Variants in YTHDF3 observed in about 807,000 individuals in gnomAD.
YTHDF3 encodes the protein YTH N6-methyladenosine RNA binding protein F3, also known as YTH domain-containing family protein 3.
Under a neutral mutation model 52.5 loss-of-function variants are expected in YTHDF3, and 9 were observed. The ratio of observed to expected loss-of-function variants is 0.17; its 90% confidence interval spans 0.10 to 0.30. The LOEUF is 0.30. YTHDF3 is among the 10% of genes least tolerant of loss of function. YTHDF3 has a pLI of 1.00. For synonymous variants in YTHDF3, 274 were observed against 243.3 expected (o/e 1.13, Z -1.18); for missense variants, 534 against 715.0 (o/e 0.75, Z 2.89).
intron 4 of YTHDF3, among the ~76,000 whole-genome samples, chr8:63,203,381 TAC>T (rs756098968): frequency 5.3e-5 from 8 of 152,122 alleles, no homozygotes; most frequent in African/African-American, 1.4e-4. Flanking sequence ...AGAATATATA[TAC>T]ACACACACAT....
In YTHDF3 at chr8:63,203,261, A is replaced by T. The variant is rs144198780; in HGVS notation, c.1735-6422A>T. Among the ~76,000 whole-genome samples the T allele has an allele frequency of 1.6e-3, 236 of 150,658 alleles. 1 individual carries two copies. Among genetic ancestry groups the T allele is most frequent in the African/African-American group, 5.5e-3 (222 of 40,660 alleles). On this transcript the variant is annotated intron_variant, in intron 4 of 4. Coordinates refer to ENST00000539294, the MANE Select transcript of YTHDF3 (RefSeq NM_152758.6). ...CTGTCTCAAAAAAAAAAAAAAATGC[A>T]GTCTGATATATTCCCTGGCTTTAAA...
chr8:63,207,869 A>G (rs1810135003), intron 4 of YTHDF3, among the ~76,000 whole-genome samples: 2 of 152,184 alleles, frequency 1.3e-5, no homozygotes, highest in East Asian at 1.9e-4. Flanking sequence ...TGTATTTTGT[A>G]TCTAGCTTAT....
intron 4 of YTHDF3, among the ~76,000 whole-genome samples, chr8:63,200,385 A>G (rs1045708852): frequency 1.3e-5 from 2 of 150,792 alleles, no homozygotes; most frequent in African/African-American, 4.9e-5. Context: ...CCTCGGCTGA[A>G]TTTTTTTTTA....
chr8:63,209,655 TTG>T (rs754824965), intron 4 of YTHDF3, 26 bp from the exon 5 acceptor site: 74 of 1,540,918 alleles, frequency 4.8e-5, no homozygotes, highest in Middle Eastern at 1.7e-4. Flanking sequence ...GTAATTCTTT[TTG>T]TGTGTGTGTG....
intron 4 of YTHDF3, among the ~76,000 whole-genome samples, chr8:63,201,072 T>TA (rs1238132131): frequency 3.3e-5 from 5 of 152,234 alleles, no homozygotes. Context: ...TTCAAGGAGC[T>TA]AAAGTCTGAT....
At chr8:63,169,598 CT>C in intron 2 of YTHDF3, 187 bp downstream of exon 2, 1 of 631,602 alleles carries the variant, frequency 1.6e-6, no homozygotes, top group Non-Finnish European at 2.8e-6. Flanking sequence ...TTTGAAGCCA[CT>C]TTATAGAAAC....
At chr8:63,189,703 T>C (rs976098369) in intron 4 of YTHDF3, among the ~76,000 whole-genome samples, 1 of 152,212 alleles carries the variant, frequency 6.6e-6, no homozygotes, top group Admixed American at 6.5e-5. Flanking sequence ...TTGGGGTGTT[T>C]ATTGAAATTG....
At position 63,210,426 on chromosome 8, in the gene YTHDF3, C is replaced by T. The variant is rs1225840460; in HGVS notation, c.*720C>T. ...TGTATACTGAAAAATGTGCATTTGT[C>T]TGAGGAATTATTTTGTTTGCTACCA... On this transcript the variant is annotated 3_prime_UTR_variant, in exon 5 of 5. Coordinates refer to ENST00000539294, the MANE Select transcript of YTHDF3 (RefSeq NM_152758.6). The T allele has an allele frequency of 1.3e-5, 2 of 152,498 alleles. No individual in the cohort carries two copies. The highest frequency in any genetic ancestry group is 2.9e-5 in the Non-Finnish European group (2 of 67,986). 9.4% of individuals were successfully genotyped at this position (152,498 alleles called of 1,614,324 possible). A position where few individuals can be genotyped will look rare whatever the true frequency, so the allele number is the denominator to read the frequency against.
At chr8:63,168,987 C>T (rs1271812282) in intron 1 of YTHDF3, 86 bp downstream of exon 1, 3 of 1,511,548 alleles carry the variant, frequency 2.0e-6, no homozygotes, top group African/African-American at 1.5e-5. Context: ...TCCCCGTCGC[C>T]GCCGCTGCCG....
chr8:63,188,571 C>T (rs1043306480), intron 4 of YTHDF3, among the ~76,000 whole-genome samples: 3 of 149,230 alleles, frequency 2.0e-5, no homozygotes, highest in African/African-American at 7.4e-5. Context: ...TCTGCCCCTA[C>T]CCCTCTGCCT....
At chr8:63,188,701 A>ATATATATATATATATTT (rs1355614739) in intron 4 of YTHDF3, 33 of 61,440 alleles carry the variant, frequency 5.4e-4, no homozygotes, top group East Asian at 1.1e-3. Context: ...ATATATATAT[A>ATATATATATATATATTT]TTTTTTTTTT....
At position 63,190,810 on chromosome 8, in the gene YTHDF3, C is replaced by T. The variant is rs908868668; in HGVS notation, c.1734+3065C>T. On this transcript the variant is annotated intron_variant, in intron 4 of 4. Coordinates refer to ENST00000539294, the MANE Select transcript of YTHDF3 (RefSeq NM_152758.6). ...GCCTACTCTGGCTGGCTCTGTGATTCGTGAATCACATTCATTGCTCAGTTA... is the reference window on the plus strand; with the variant it reads ...GCCTACTCTGGCTGGCTCTGTGATTTGTGAATCACATTCATTGCTCAGTTA... Among the ~76,000 whole-genome samples the T allele has an allele frequency of 5.3e-5, 8 of 152,176 alleles. No individual in the cohort carries two copies. The East Asian group carries it at 7.7e-4, about 15-fold the overall frequency.
chr8:63,200,409 C>G (rs1263389344), intron 4 of YTHDF3, among the ~76,000 whole-genome samples: 1 of 151,632 alleles, frequency 6.6e-6, no homozygotes, highest in Non-Finnish European at 1.5e-5. Flanking sequence ...TTTTAAATTT[C>G]TTTTTCTTTT....
chr8:63,196,204 T>C (rs1443220540), intron 4 of YTHDF3, among the ~76,000 whole-genome samples: 1 of 151,294 alleles, frequency 6.6e-6, no homozygotes, highest in Non-Finnish European at 1.5e-5. Flanking sequence ...AGGCTGCAGT[T>C]AGCCGTGATT....
Position 63,168,918 on chromosome 8 carries a change from C to T in YTHDF3, c.24+17C>T, listed in dbSNP as rs1001090929. ...GTGGATCAGGTGAGGGAGCAGAGGC[C>T]CCAGGCTTGGCGAAGGCCCGAGCCC... On this transcript the variant is annotated intron_variant, in intron 1 of 4. Coordinates refer to ENST00000539294, the MANE Select transcript of YTHDF3 (RefSeq NM_152758.6). 6 of 1,550,800 alleles carry T rather than the reference C, an allele frequency of 3.9e-6. No individual in the cohort carries two copies. Among genetic ancestry groups the T allele is most frequent in the Non-Finnish European group, 5.2e-6 (6 of 1,147,050 alleles).
rs147761659 is a variant in YTHDF3 at position 63,207,558 on chromosome 8, A to G, written c.1735-2125A>G. On this transcript the variant is annotated intron_variant, in intron 4 of 4. Coordinates refer to ENST00000539294, the MANE Select transcript of YTHDF3 (RefSeq NM_152758.6). ...CCCCTTGTCCATTGAGTTGGAAGTT[A>G]TGCATTATATATATAGACGTATTAT... Among the ~76,000 whole-genome samples the G allele has an allele frequency of 5.3e-3, 810 of 152,064 alleles. 11 individuals carry two copies. Among genetic ancestry groups the G allele is most frequent in the African/African-American group, 0.019 (785 of 41,472 alleles).
chr8:63,204,363 T>TG (rs1317267437), intron 4 of YTHDF3, among the ~76,000 whole-genome samples: 3 of 141,876 alleles, frequency 2.1e-5, no homozygotes, highest in Admixed American at 7.0e-5. Context: ...TGTTTGTTGT[T>TG]TTTTTTTTTT....
chr8:63,191,830 T>C (rs1808931557), intron 4 of YTHDF3, among the ~76,000 whole-genome samples: 1 of 152,186 alleles, frequency 6.6e-6, no homozygotes, highest in African/African-American at 2.4e-5. Context: ...TGTAACTCAA[T>C]TCTTTGTTCC....
intron 2 of YTHDF3, among the ~76,000 whole-genome samples, chr8:63,171,000 A>C (rs1427159053): frequency 2.0e-5 from 3 of 152,188 alleles, no homozygotes; most frequent in Non-Finnish European, 4.4e-5. Context: ...GTTTGCAAAT[A>C]AGTATTTTTT....
Sources: gnomAD v4.1 joint callset for allele counts (sites outside exome capture counted in the v4.1 genomes callset) on GRCh38, gnomAD v4.1.1 for gene constraint, MANE v1.5 for transcripts, NCBI Gene and HGNC (gene_info 2026-07-23, HGNC 2026-07-21) for gene names.